C3orf20: variants seen among roughly 807,000 people sequenced by gnomAD.
The protein encoded by C3orf20 is uncharacterized protein C3orf20.
A neutral mutation model predicts 88.3 loss-of-function variants in C3orf20; 76 were observed. The observed-to-expected ratio is 0.86, with a 90% CI of 0.72 to 1.04. The LOEUF is 1.04. C3orf20 is among the 50% of genes least tolerant of loss of function. C3orf20 has a pLI of 0.00. For synonymous variants in C3orf20, 436 were observed against 437.4 expected (o/e 1.00, Z 0.04); for missense variants, 1,056 against 1,123.3 (o/e 0.94, Z 0.86).
At chr3:14,727,616 G>A (rs1232024547) in intron 11 of C3orf20, among the ~76,000 whole-genome samples, 1 of 152,148 alleles carries the variant, frequency 6.6e-6, no homozygotes, top group Non-Finnish European at 1.5e-5. Flanking sequence ...GCTGGGCATG[G>A]AGGGGCTGTG....
intron 5 of C3orf20, among the ~76,000 whole-genome samples, 185 bp downstream of exon 5, chr3:14,690,301 C>T (rs1432601): frequency 0.3 from 45,528 of 152,118 alleles, 7,396 homozygotes; most frequent in South Asian, 0.45. Flanking sequence ...GAAAGGTTGT[C>T]ACAGTCCAGC....
Position 14,714,116 on chromosome 3 carries a change from A to G in C3orf20, c.1270A>G (p.Asn424Asp), listed in dbSNP as rs1559415071. ...TGGATTCTCCTTGCTGGCCCTATTC[A>G]ATACTGAAGGCCAGGGCTGTGTTCA... ...IPGFSLLALF[N>D]TEGQGCVHYN... Residue 424 changes from asparagine to aspartate, a missense_variant, in exon 8 of 17, where the codon AAT (asparagine) becomes GAT (aspartate). Physicochemically the swap from Asn to Asp is conservative, Grantham distance 23 (BLOSUM62 1). Coordinates refer to ENST00000253697, the MANE Select transcript of C3orf20 (RefSeq NM_032137.5). 6.2e-7 allele frequency: 1 copy of G among 1,614,074 alleles called. No individual in the cohort carries two copies. Among genetic ancestry groups the G allele is most frequent in the Non-Finnish European group, 8.5e-7 (1 of 1,180,014 alleles).
chr3:14,682,608 G>A lies in C3orf20; in HGVS notation c.-106G>A, dbSNP rs17040151. On this transcript the variant is annotated 5_prime_UTR_variant, in exon 3 of 17. Transcript: ENST00000253697. ...ACTGGCTCAATGACCTGTAAGGGCCGTTTCAGCACATCCATTCTGTCCATC... is the reference window on the plus strand; with the variant it reads ...ACTGGCTCAATGACCTGTAAGGGCCATTTCAGCACATCCATTCTGTCCATC... 2.3e-3 allele frequency: 3,346 copies of A among 1,434,878 alleles called. 63 individuals carry two copies. The African/African-American group carries it at 0.038, about 16-fold the overall frequency. The allele number at this position is 1,434,878 out of a possible 1,614,324, so 88.9% of individuals were successfully genotyped here. A position where few individuals can be genotyped will look rare whatever the true frequency, so the allele number is the denominator to read the frequency against.
intron 9 of C3orf20, among the ~76,000 whole-genome samples, chr3:14,717,592 G>A (rs985926991): frequency 8.5e-5 from 13 of 152,110 alleles, no homozygotes; most frequent in Non-Finnish European, 1.6e-4. Flanking sequence ...TGTCAGGCTG[G>A]GGAGTTTGCA....
intron 9 of C3orf20, among the ~76,000 whole-genome samples, chr3:14,716,748 A>G (rs1422678301): frequency 6.6e-6 from 1 of 152,168 alleles, no homozygotes; most frequent in Non-Finnish European, 1.5e-5. Flanking sequence ...TCATTTGGTA[A>G]TTAATGTCAG....
intron 12 of C3orf20, among the ~76,000 whole-genome samples, chr3:14,746,307 G>A (rs1166543027): frequency 6.6e-6 from 1 of 152,168 alleles, no homozygotes; most frequent in Non-Finnish European, 1.5e-5. Context: ...TCTGATTGAT[G>A]AGTGATAGCA....
chr3:14,719,849 C>T (rs1424059927), intron 9 of C3orf20, among the ~76,000 whole-genome samples: 1 of 152,150 alleles, frequency 6.6e-6, no homozygotes. Context: ...TGTCCCCAGG[C>T]TCAGAGAGGC....
intron 12 of C3orf20, among the ~76,000 whole-genome samples, chr3:14,738,129 T>C (rs992997437): frequency 6.6e-6 from 1 of 152,000 alleles, no homozygotes; most frequent in African/African-American, 2.4e-5. Context: ...CTGTTAAATG[T>C]TGACATTTTG....
chr3:14,708,537 T>A (rs77567585), intron 7 of C3orf20, among the ~76,000 whole-genome samples: 3,040 of 152,156 alleles, frequency 0.02, 39 homozygotes, highest in Non-Finnish European at 0.03. Context: ...AATTTTCAAG[T>A]CAGGTTTTCC....
intron 12 of C3orf20, among the ~76,000 whole-genome samples, chr3:14,738,027 T>C (rs560186959): frequency 5.3e-5 from 8 of 152,320 alleles, no homozygotes; most frequent in Non-Finnish European, 8.8e-5. Context: ...GCTTTGTTGC[T>C]ATTTCTACCA....
chr3:14,678,276 G>A (rs1195443458), intron 1 of C3orf20, among the ~76,000 whole-genome samples: 2 of 152,222 alleles, frequency 1.3e-5, no homozygotes, highest in Non-Finnish European at 2.9e-5. Flanking sequence ...CCTTGAAGGT[G>A]GGGACTAGTG....
At chr3:14,759,444 G>A (rs2035489945) in intron 13 of C3orf20, among the ~76,000 whole-genome samples, 1 of 152,122 alleles carries the variant, frequency 6.6e-6, no homozygotes, top group Non-Finnish European at 1.5e-5. Context: ...TAGTGACTGG[G>A]AGGGTCCTGA....
chr3:14,755,458 C>T (rs1418592096), intron 12 of C3orf20, among the ~76,000 whole-genome samples: 2 of 152,268 alleles, frequency 1.3e-5, no homozygotes, highest in East Asian at 3.9e-4. Context: ...TTATTTTGAA[C>T]TTCTCCCTGG....
chr3:14,709,308 A>G lies in C3orf20; in HGVS notation c.1160+4690A>G, dbSNP rs78810256. Among the ~76,000 whole-genome samples, 4 of 152,210 alleles carry G rather than the reference A, an allele frequency of 2.6e-5. No individual in the cohort carries two copies. The East Asian group carries it at 7.7e-4, about 29-fold the overall frequency. On this transcript the variant is annotated intron_variant, in intron 7 of 16. Coordinates refer to ENST00000253697, the MANE Select transcript of C3orf20 (RefSeq NM_032137.5). ...ATATATAAAATCATGTCATCTGCCA[A>G]CAGAGGTAATTTTACTTCTTCCTTT...
intron 9 of C3orf20, among the ~76,000 whole-genome samples, chr3:14,717,799 A>T (rs1174696287): frequency 1.3e-5 from 2 of 151,032 alleles, no homozygotes; most frequent in African/African-American, 2.4e-5. Context: ...TTCCATGATT[A>T]AAAAAAAATC....
intron 12 of C3orf20, among the ~76,000 whole-genome samples, chr3:14,738,114 A>G (rs1481116500): frequency 7.3e-5 from 11 of 151,526 alleles, no homozygotes. Context: ...ATTTCTTCCA[A>G]ATTCCTGTTA....
chr3:14,736,937 A>G (rs1271164292), intron 12 of C3orf20, among the ~76,000 whole-genome samples: 1 of 152,154 alleles, frequency 6.6e-6, no homozygotes, highest in African/African-American at 2.4e-5. Context: ...AGCACTTTGA[A>G]GATGTCGTTC....
intron 9 of C3orf20, among the ~76,000 whole-genome samples, chr3:14,717,295 G>T (rs1169700392): frequency 6.6e-6 from 1 of 152,208 alleles, no homozygotes; most frequent in Non-Finnish European, 1.5e-5. Context: ...TTAGTTGACT[G>T]TTATATATTT....
intron 12 of C3orf20, among the ~76,000 whole-genome samples, chr3:14,751,927 A>G (rs540285170): frequency 5.9e-5 from 9 of 152,334 alleles, no homozygotes; most frequent in African/African-American, 2.2e-4. Context: ...TATACATTCA[A>G]TGCTATCCCC....
Sources: allele counts gnomAD v4.1 joint callset (sites outside exome capture counted in the v4.1 genomes callset), GRCh38; gene constraint gnomAD v4.1.1; transcripts MANE v1.5; gene names NCBI Gene and HGNC (gene_info 2026-07-23, HGNC 2026-07-21).